The following AAR2 variants were observed in gnomAD, a reference collection of about 807,000 sequenced individuals.
AAR2 encodes the protein protein AAR2 homolog.
A neutral mutation model predicts 26.9 loss-of-function variants in AAR2; 31 were observed. The ratio of observed to expected loss-of-function variants is 1.15; its 90% CI spans 0.86 to 1.55. AAR2 has a LOEUF of 1.55. AAR2 is among the 40% of genes most tolerant of loss of function. The probability of loss-of-function intolerance (pLI) is 0.00; values close to 1 mark genes in which losing one functional copy is unlikely to be tolerated. For synonymous variants in AAR2, 188 were observed against 196.1 expected (o/e 0.96, Z 0.34); for missense variants, 430 against 491.3 (o/e 0.88, Z 1.18).
chr20:36,244,594 G>A, intron 2 of AAR2, 103 bp from the exon 3 acceptor site: 2 of 1,117,180 alleles, frequency 1.8e-6, no homozygotes, highest in Non-Finnish European at 2.7e-6. Context: ...AAGCTCATCT[G>A]TTGCTGAGGT....
At chr20:36,246,638 G>A (rs550227105) in intron 3 of AAR2, among the ~76,000 whole-genome samples, 5 of 152,310 alleles carry the variant, frequency 3.3e-5, no homozygotes, top group South Asian at 4.2e-4. Flanking sequence ...GGAGGGCCAC[G>A]GTGTTGCTGG....
Position 36,255,825 on chromosome 20 carries a change from C to G in AAR2, c.*80C>G. The G allele has an allele frequency of 6.6e-7, 1 of 1,525,952 alleles. No homozygotes were observed. The highest frequency in any genetic ancestry group is 1.4e-5 in the African/African-American group (1 of 72,490). 94.5% of individuals were successfully genotyped at this position (1,525,952 alleles called of 1,614,324 possible). A position where few individuals can be genotyped will look rare whatever the true frequency, so the allele number is the denominator to read the frequency against. On this transcript the variant is annotated 3_prime_UTR_variant, in exon 4 of 4. Transcript: ENST00000320849. ...GCCTCTCCATTTACTTCTTCCCATC[C>G]TGGGACCTGCCAGGGCAGCAATCTC...
In AAR2 at chr20:36,240,021, C is replaced by T; in HGVS notation, c.153C>T (p.Ile51=). The T allele has an allele frequency of 6.2e-7, 1 of 1,614,180 alleles. No homozygotes were observed. Among genetic ancestry groups the T allele is most frequent in the South Asian group, 1.1e-5 (1 of 91,084 alleles). ...CCAAGTTCCGGGGCGTGAAGATGAT[C>T]CCTCCAGGCATCCACTTCCTCCACT... ...VGPKFRGVKM[I]PPGIHFLHYS... is the part of the protein sequence containing the mutation. The change falls in exon 2 of 4, where the codon ATC becomes ATT. Residue 51 remains isoleucine, a synonymous_variant. Coordinates refer to ENST00000320849, the MANE Select transcript of AAR2 (RefSeq NM_001271874.2).
chr20:36,244,916 G>A lies in AAR2; in HGVS notation c.977G>A (p.Ser326Asn), dbSNP rs989159070. The A allele has an allele frequency of 3.7e-6, 6 of 1,613,666 alleles. No homozygotes were observed. Among genetic ancestry groups the A allele is most frequent in the Non-Finnish European group, 5.1e-6 (6 of 1,179,550 alleles). ...DIVSQDNFLTSTLQVFFSSAC... is the reference protein window; with the variant it reads ...DIVSQDNFLTNTLQVFFSSAC... ...GTCTCCCAAGACAACTTCCTCACCA[G>A]CACCTTACAGGTGAGCAGTCTTTCT... Residue 326 changes from serine (S) to asparagine (N), a missense_variant, in exon 3 of 4, where the codon AGC (serine) becomes AAC (asparagine). Coordinates refer to ENST00000320849, the MANE Select transcript of AAR2 (RefSeq NM_001271874.2).
chr20:36,241,587 G>A (rs1023817966), intron 2 of AAR2, among the ~76,000 whole-genome samples: 3 of 152,018 alleles, frequency 2.0e-5, no homozygotes, highest in East Asian at 1.9e-4. Context: ...TTAGGAGTTC[G>A]AGACCAGCCT....
At chr20:36,248,756 G>C (rs1174097237) in intron 3 of AAR2, among the ~76,000 whole-genome samples, 2 of 152,174 alleles carry the variant, frequency 1.3e-5, no homozygotes, top group Non-Finnish European at 2.9e-5. Flanking sequence ...AAGAGGGAGT[G>C]GTTAATTCTG....
rs2064654735 is a variant in AAR2 at position 36,239,712 on chromosome 20, A to G, written c.-48-109A>G. On this transcript the variant is annotated intron_variant, in intron 1 of 3. Coordinates refer to ENST00000320849, the MANE Select transcript of AAR2 (RefSeq NM_001271874.2). ...GCAGGGTTGTCATGAGGATTAAGGG[A>G]AATAATTATGTCAGGGGTCTAACTC... 3 of 838,412 alleles carry G rather than the reference A, an allele frequency of 3.6e-6. No individual in the cohort carries two copies. In the Admixed American group the frequency reaches 9.3e-5, roughly 26 times the overall value. The allele number at this position is 838,412 out of a possible 1,614,324, so 51.9% of individuals were successfully genotyped here. A position where few individuals can be genotyped will look rare whatever the true frequency, so the allele number is the denominator to read the frequency against.
At chr20:36,238,768 A>G (rs186405232) in intron 1 of AAR2, among the ~76,000 whole-genome samples, 80 of 152,106 alleles carry the variant, frequency 5.3e-4, no homozygotes, top group African/African-American at 1.9e-3. Flanking sequence ...AAAAAAAAAA[A>G]AAAAAAGTAA....
intron 1 of AAR2, among the ~76,000 whole-genome samples, chr20:36,238,146 G>T (rs1256838299): frequency 2.6e-5 from 4 of 151,990 alleles, no homozygotes; most frequent in African/African-American, 7.3e-5. Context: ...CTACAGTAAC[G>T]AATACATTTT....
chr20:36,249,857 C>T (rs753862896), intron 3 of AAR2, among the ~76,000 whole-genome samples: 12 of 152,198 alleles, frequency 7.9e-5, no homozygotes, highest in Non-Finnish European at 1.3e-4. Context: ...GATGAAACAT[C>T]CCAGATTTTT....
chr20:36,240,381 G>A lies in AAR2; in HGVS notation c.513G>A (p.Lys171=), dbSNP rs76403264. The A allele has an allele frequency of 6.0e-4, 968 of 1,614,250 alleles. 10 individuals carry two copies. In the East Asian group the frequency reaches 0.015, roughly 25 times the overall value. The change falls in exon 2 of 4, where the codon AAG becomes AAA. Residue 171 remains lysine (K), a synonymous_variant. Transcript: ENST00000320849. ...CTGTGCTCTCCATGAAGCACACCAA[G>A]GACCGCGTGGGGCAGAATCTACCCC... The part of the protein sequence containing the change: ...VLPVLSMKHT[K]DRVGQNLPRC...
At position 36,240,357 on chromosome 20, in the gene AAR2, T is replaced by C; in HGVS notation, c.489T>C (p.Pro163=). The change falls in exon 2 of 4, where the codon CCT becomes CCC. Residue 163 remains proline (P), a synonymous_variant. Transcript: ENST00000320849. ...RQICAFSDVL[P]VLSMKHTKDR... ...TCTGTGCCTTTTCCGATGTGCTACC[T>C]GTGCTCTCCATGAAGCACACCAAGG... 1 of 1,614,226 alleles carries C rather than the reference T, an allele frequency of 6.2e-7. No homozygotes were observed. The highest frequency in any genetic ancestry group is 1.6e-4 in the Middle Eastern group (1 of 6,062).
Position 36,255,983 on chromosome 20 carries a change from T to TTTTTAATGATAC in AAR2, c.*238_*239insTTTTAATGATAC. On this transcript the variant is annotated 3_prime_UTR_variant, in exon 4 of 4. Coordinates refer to ENST00000320849, the MANE Select transcript of AAR2 (RefSeq NM_001271874.2). ...CATCAGCCAGGCCTTGGTGCTAACCTGGCTGAATTTCACACAGGCTCTTAC... is the reference window on the plus strand; with the variant it reads ...CATCAGCCAGGCCTTGGTGCTAACCTTTTTAATGATACGGCTGAATTTCACACAGGCTCTTAC... The TTTTTAATGATAC allele has an allele frequency of 1.9e-6, 1 of 533,180 alleles. No individual in the cohort carries two copies. The allele number at this position is 533,180 out of a possible 1,614,324, so 33.0% of individuals were successfully genotyped here.
intron 3 of AAR2, among the ~76,000 whole-genome samples, chr20:36,252,050 CT>C (rs377229948): frequency 6.6e-6 from 1 of 152,316 alleles, no homozygotes; most frequent in African/African-American, 2.4e-5. Context: ...GTGCAAATCA[CT>C]GTGATACAAG....
chr20:36,239,618 C>T (rs1168336512), intron 1 of AAR2, among the ~76,000 whole-genome samples: 2 of 152,150 alleles, frequency 1.3e-5, no homozygotes, highest in Non-Finnish European at 2.9e-5. Context: ...AGTGAGTGTC[C>T]TTGCATGTTA....
Position 36,256,413 on chromosome 20 carries a change from C to G in AAR2, c.*668C>G, listed in dbSNP as rs1601189689. 2 of 152,392 alleles carry G rather than the reference C, an allele frequency of 1.3e-5. No homozygotes were observed. Among genetic ancestry groups the G allele is most frequent in the African/African-American group, 4.8e-5 (2 of 41,564 alleles). 9.4% of individuals were successfully genotyped at this position (152,392 alleles called of 1,614,324 possible). A position where few individuals can be genotyped will look rare whatever the true frequency, so the allele number is the denominator to read the frequency against. ...TCATCTCCCAAGGTGGGTGTGGACCCTGGCCTCAGAGGCCTTGCTGGTGCT... is the reference window on the plus strand; with the variant it reads ...TCATCTCCCAAGGTGGGTGTGGACCGTGGCCTCAGAGGCCTTGCTGGTGCT... On this transcript the variant is annotated 3_prime_UTR_variant, in exon 4 of 4. Transcript: ENST00000320849.
Position 36,238,743 on chromosome 20 carries a change from G to A in AAR2, c.-48-1078G>A, listed in dbSNP as rs1376319336. Among the ~76,000 whole-genome samples, 7 of 147,328 alleles carry A rather than the reference G, an allele frequency of 4.8e-5. 1 individual carries two copies. The highest frequency in any genetic ancestry group is 4.3e-4 in the South Asian group (2 of 4,626). ...TGCACTCCAGCTGGGGTGACAGAGC[G>A]AGACCCTGTCTCAAAAAAAAAAAAA... On this transcript the variant is annotated intron_variant, in intron 1 of 3. Coordinates refer to ENST00000320849, the MANE Select transcript of AAR2 (RefSeq NM_001271874.2).
At chr20:36,244,140 A>G (rs1189911954) in intron 2 of AAR2, among the ~76,000 whole-genome samples, 1 of 152,212 alleles carries the variant, frequency 6.6e-6, no homozygotes, top group Non-Finnish European at 1.5e-5. Context: ...TGAGGCAAAT[A>G]CCATCTTCCT....
At chr20:36,242,570 T>C (rs2064694659) in intron 2 of AAR2, among the ~76,000 whole-genome samples, 1 of 151,522 alleles carries the variant, frequency 6.6e-6, no homozygotes, top group South Asian at 2.1e-4. Context: ...TTGTTTTGTA[T>C]TTTTAGTAGA....
Sources: gnomAD v4.1 joint callset for allele counts (sites outside exome capture counted in the v4.1 genomes callset) on GRCh38, gnomAD v4.1.1 for gene constraint, MANE v1.5 for transcripts, NCBI Gene and HGNC (gene_info 2026-07-23, HGNC 2026-07-21) for gene names.